PARVA: variants seen among roughly 807,000 people sequenced by gnomAD.
The protein encoded by PARVA is alpha-parvin.
Under a neutral mutation model 52.6 loss-of-function variants are expected in PARVA, and 25 were observed. The observed-to-expected ratio is 0.48, with a 90% CI of 0.35 to 0.66. The LOEUF (loss-of-function observed/expected upper bound fraction) is 0.66. Among genes scored for constraint, PARVA ranks in the 30% least tolerant of loss-of-function variants. The probability of loss-of-function intolerance (pLI) is 0.01; values close to 1 mark genes in which losing one functional copy is unlikely to be tolerated. For missense variants in PARVA, 373 were observed against 450.9 expected, an observed-to-expected ratio of 0.83 and a Z score of 1.56; for synonymous variants, 185 against 179.1, an observed-to-expected ratio of 1.03 and a Z score of -0.26.
intron 1 of PARVA, among the ~76,000 whole-genome samples, chr11:12,446,717 GA>G (rs1435987270): frequency 6.6e-6 from 1 of 152,204 alleles, no homozygotes; most frequent in Admixed American, 6.5e-5. Context: ...GTCATCATGT[GA>G]AAGCTAGCCT....
At chr11:12,377,225 C>T (rs1374305995), upstream of PARVA, 5 of 341,016 alleles carry the variant, frequency 1.5e-5, no homozygotes, top group Non-Finnish European at 2.6e-5. Flanking sequence ...CACCAGCCGC[C>T]GGCTGGAAGA....
chr11:12,507,195 T>C (rs946624184), intron 6 of PARVA, among the ~76,000 whole-genome samples: 1 of 152,184 alleles, frequency 6.6e-6, no homozygotes, highest in African/African-American at 2.4e-5. Flanking sequence ...CTGTGGAACT[T>C]TGGGCAGGAG....
intron 1 of PARVA, among the ~76,000 whole-genome samples, chr11:12,462,750 T>C (rs1940800788): frequency 6.6e-6 from 1 of 152,200 alleles, no homozygotes; most frequent in East Asian, 1.9e-4. Flanking sequence ...TCAGTGACAC[T>C]TGTACTAGTG....
chr11:12,446,033 T>A (rs10831823), intron 1 of PARVA, among the ~76,000 whole-genome samples: 44,602 of 125,358 alleles, frequency 0.36, 7,141 homozygotes, highest in Non-Finnish European at 0.44. Flanking sequence ...GACGGGTTCA[T>A]TTACTTTAAA....
At chr11:12,387,193 TTC>T (rs1939584820) in intron 1 of PARVA, among the ~76,000 whole-genome samples, 1 of 152,202 alleles carries the variant, frequency 6.6e-6, no homozygotes, top group African/African-American at 2.4e-5. Context: ...TGTAAACACA[TTC>T]TGTTAGGTTT....
intron 4 of PARVA, among the ~76,000 whole-genome samples, chr11:12,494,445 TAGGTGAA>T (rs1941271955): frequency 6.6e-6 from 1 of 152,202 alleles, no homozygotes; most frequent in South Asian, 2.1e-4. Flanking sequence ...AACTCAGATG[TAGGTGAA>T]AGGGGCTTGT....
At position 12,535,074 on chromosome 11, in the gene PARVA, C is replaced by G. The variant is rs954947045; in HGVS notation, c.*7149C>G. On this transcript the variant is annotated 3_prime_UTR_variant, in exon 13 of 13. Coordinates refer to ENST00000334956, the MANE Select transcript of PARVA (RefSeq NM_018222.5). ...GTTCTGAGCTCTCTGATCCACTGCA[C>G]TTGGGGCAGGGGGTGCATTCTCTGT... Among the ~76,000 whole-genome samples, 91 of 152,336 alleles carry G rather than the reference C, an allele frequency of 6.0e-4. No homozygotes were observed. Among genetic ancestry groups the G allele is most frequent in the Non-Finnish European group, 2.6e-4 (18 of 68,036 alleles).
intron 4 of PARVA, 54 bp downstream of exon 4, chr11:12,478,003 C>G (rs1367097348): frequency 1.1e-6 from 1 of 948,188 alleles, no homozygotes; most frequent in Non-Finnish European, 1.8e-6. Context: ...GTGGTTGGAT[C>G]ACCTACTTGT....
rs183126709 is a variant in PARVA at position 12,462,409 on chromosome 11, G to T, written c.137-11336G>T. 4.6e-5 allele frequency among the ~76,000 whole-genome samples: 7 copies of T among 152,236 alleles called. No individual in the cohort carries two copies. The East Asian group carries it at 1.4e-3, about 29-fold the overall frequency. Reference sequence around the variant, plus strand: ...GATTTGAGCCTTGCCCCCACTGCTGGCTTTGAGATGGAGGAAAGGGACCAC... The same window carrying T: ...GATTTGAGCCTTGCCCCCACTGCTGTCTTTGAGATGGAGGAAAGGGACCAC... On this transcript the variant is annotated intron_variant, in intron 1 of 12. Transcript: ENST00000334956.
At chr11:12,478,107 GATGTCCTCTTGGA>G (rs1941040268) in intron 4 of PARVA, 158 bp downstream of exon 4, 1 of 708,932 alleles carries the variant, frequency 1.4e-6, no homozygotes, top group Admixed American at 2.0e-5. Context: ...GAAGGCTTTA[GATGTCCTCTTGGA>G]ATGTTTCATA....
intron 1 of PARVA, among the ~76,000 whole-genome samples, chr11:12,406,661 GTTTTTTTTTTTTTT>G (rs571973101): frequency 6.4e-5 from 5 of 77,798 alleles, no homozygotes; most frequent in Non-Finnish European, 1.3e-4. Context: ...GGTTGTATCT[GTTTTTTTTTTTTTT>G]TTTTTTTTTT....
intron 1 of PARVA, among the ~76,000 whole-genome samples, chr11:12,383,492 C>A (rs1042851004): frequency 1.3e-5 from 2 of 152,190 alleles, no homozygotes; most frequent in African/African-American, 2.4e-5. Context: ...TTTCATAATT[C>A]TTCTAATAAT....
intron 1 of PARVA, among the ~76,000 whole-genome samples, chr11:12,411,559 A>G (rs2134975019): frequency 6.6e-6 from 1 of 152,272 alleles, no homozygotes; most frequent in East Asian, 1.9e-4. Flanking sequence ...TCTTGGCTAT[A>G]ATAGCTTTTT....
At chr11:12,388,217 G>T (rs1300954971) in intron 1 of PARVA, among the ~76,000 whole-genome samples, 1 of 152,204 alleles carries the variant, frequency 6.6e-6, no homozygotes, top group African/African-American at 2.4e-5. Context: ...TCAGTTAATT[G>T]CAGCTGCTTA....
intron 4 of PARVA, among the ~76,000 whole-genome samples, chr11:12,493,749 A>G (rs1403025399): frequency 6.6e-6 from 1 of 152,220 alleles, no homozygotes; most frequent in Non-Finnish European, 1.5e-5. Flanking sequence ...AATAATGGAA[A>G]ACACATTTCT....
intron 1 of PARVA, among the ~76,000 whole-genome samples, chr11:12,401,791 ATATGT>A: frequency 6.6e-6 from 1 of 152,198 alleles, no homozygotes; most frequent in East Asian, 1.9e-4. Context: ...AGACAGCCTA[ATATGT>A]TAGGATATTT....
In PARVA at chr11:12,529,796, T is replaced by A. The variant is rs919783823; in HGVS notation, c.*1871T>A. 6 of 152,240 alleles carry A rather than the reference T, an allele frequency of 3.9e-5. No individual in the cohort carries two copies. Among genetic ancestry groups the A allele is most frequent in the Admixed American group, 3.3e-4 (5 of 15,288 alleles). 9.4% of individuals were successfully genotyped at this position (152,240 alleles called of 1,614,324 possible). A position where few individuals can be genotyped will look rare whatever the true frequency, so the allele number is the denominator to read the frequency against. On this transcript the variant is annotated 3_prime_UTR_variant, in exon 13 of 13. Transcript: ENST00000334956. ...GAATTGTCACTCAGCATAATGAGCA[T>A]TTAACATACAAAGGCAATGTACTGT...
chr11:12,473,890 C>G, intron 2 of PARVA, 23 bp from the exon 3 acceptor site: 1 of 1,566,250 alleles, frequency 6.4e-7, no homozygotes. Context: ...AGCACCCCCA[C>G]TGAATTCCTT....
intron 1 of PARVA, among the ~76,000 whole-genome samples, chr11:12,409,993 A>G (rs1243102608): frequency 6.6e-6 from 1 of 152,190 alleles, no homozygotes; most frequent in African/African-American, 2.4e-5. Flanking sequence ...AGAGTTGACT[A>G]TCTAGGGGAC....
Sources: gnomAD v4.1 joint callset for allele counts (sites outside exome capture counted in the v4.1 genomes callset) on GRCh38, gnomAD v4.1.1 for gene constraint, MANE v1.5 for transcripts, NCBI Gene and HGNC (gene_info 2026-07-23, HGNC 2026-07-21) for gene names.